Variants in RPL4 observed in about 807,000 individuals in gnomAD.
The protein encoded by RPL4 is large ribosomal subunit protein uL4.
Under a neutral mutation model 47.7 loss-of-function variants are expected in RPL4, and 3 were observed. The observed-to-expected ratio is 0.06, with a 90% CI of 0.03 to 0.16. The LOEUF is 0.16. Ranked by LOEUF, RPL4 falls within the 10% of genes least tolerant of loss-of-function variation. The pLI, the probability that RPL4 is intolerant of heterozygous loss-of-function variation, is 1.00. For missense variants in RPL4, 413 were observed against 551.3 expected (o/e 0.75, Z 2.51); for synonymous variants, 208 against 182.1 (o/e 1.14, Z -1.15).
Position 66,501,993 on chromosome 15 carries a change from A to G in RPL4, c.422-81T>C, listed in dbSNP as rs956884930. The G allele has an allele frequency of 3.9e-6, 6 of 1,553,890 alleles. No individual in the cohort carries two copies. The African/African-American group carries it at 8.2e-5, about 21-fold the overall frequency. ...AAAAATCAAACATTTTATACAACCA[A>G]TAAAAGCAAAATGGTATTCCGTTTG... On this transcript the variant is annotated intron_variant, in intron 4 of 9. Coordinates refer to ENST00000307961, the MANE Select transcript of RPL4 (RefSeq NM_000968.4).
In RPL4 at chr15:66,499,621, G is replaced by C. The variant is rs766275179; in HGVS notation, c.1070C>G (p.Ala357Gly). The C allele has an allele frequency of 1.7e-5, 27 of 1,613,848 alleles. No homozygotes were observed. In the East Asian group the frequency reaches 5.1e-4, roughly 31 times the overall value. ...HKLRVDKAAA[A>G]AAALQAKSDE... ...TGATTTGGCTTGTAGTGCCGCTGCTGCAGCAGCTGCCTTATCCACCCGGAG... is the reference window on the plus strand; with the variant it reads ...TGATTTGGCTTGTAGTGCCGCTGCTCCAGCAGCTGCCTTATCCACCCGGAG... The change falls in exon 10 of 10, where the codon GCA becomes GGA. Residue 357 changes from alanine (A) to glycine (G), a missense_variant. By Grantham distance (60) the Ala-to-Gly change is moderately conservative. Transcript: ENST00000307961.
chr15:66,501,337 G>A (rs371103900), intron 6 of RPL4, 38 bp downstream of exon 6: 95 of 1,613,232 alleles, frequency 5.9e-5, no homozygotes, highest in Non-Finnish European at 7.9e-5. Context: ...TAGACTTGCA[G>A]AGTATACCTA....
intron 4 of RPL4, 88 bp downstream of exon 4, chr15:66,502,524 G>C: frequency 1.4e-6 from 2 of 1,383,174 alleles, no homozygotes; most frequent in Non-Finnish European, 2.0e-6. Flanking sequence ...TCTTGAAATG[G>C]GTTACTGTGA....
Position 66,504,824 on chromosome 15 carries a change from C to A in RPL4, c.-34G>T, listed in dbSNP as rs1436889316. ...GAGGAGACAGCCACGCTCCTCTCAG[C>A]CCGGCTGCTGCCACAGGAAAAGGAA... On this transcript the variant is annotated 5_prime_UTR_variant, in exon 1 of 10. Transcript: ENST00000307961. 5 of 1,609,304 alleles carry A rather than the reference C, an allele frequency of 3.1e-6. No individual in the cohort carries two copies. Among genetic ancestry groups the A allele is most frequent in the African/African-American group, 1.3e-5 (1 of 74,974 alleles).
chr15:66,504,684 C>CTCTCCTCGCTCTATCTCCCCCT, intron 1 of RPL4, 104 bp downstream of exon 1: 1 of 1,519,458 alleles, frequency 6.6e-7, no homozygotes. Flanking sequence ...CCTCATCTCC[C>CTCTCCTCGCTCTATCTCCCCCT]TCTCCTCGCT....
At chr15:66,502,195 T>C in intron 4 of RPL4, 1 of 500,764 alleles carries the variant, frequency 2.0e-6, no homozygotes, top group Non-Finnish European at 3.7e-6. Context: ...GTTACGCTAG[T>C]ATTCCCTGAT....
At chr15:66,501,621 C>T in intron 5 of RPL4, 117 bp from the exon 6 acceptor site, 3 of 1,520,060 alleles carry the variant, frequency 2.0e-6, no homozygotes, top group Non-Finnish European at 2.7e-6. Context: ...GCCAAGGTTA[C>T]ACAGAGCCAT....
At chr15:66,503,897 C>A (rs542181469) in intron 1 of RPL4, among the ~76,000 whole-genome samples, 138 of 152,308 alleles carry the variant, frequency 9.1e-4, no homozygotes, top group South Asian at 6.6e-3. Context: ...CACCCTCACC[C>A]TCTACTAAAC....
chr15:66,502,109 G>C (rs1427379059), intron 4 of RPL4, 197 bp from the exon 5 acceptor site: 2 of 786,678 alleles, frequency 2.5e-6, no homozygotes, highest in African/African-American at 3.4e-5. Flanking sequence ...ATAAAAATGC[G>C]ATGGGTACGC....
Position 66,499,407 on chromosome 15 carries a change from T to A in RPL4, c.1284A>T (p.Ter428TyrextTer20), listed in dbSNP as rs781226691. ...PTTEEKKPAA[*>Y] is the part of the protein sequence containing the mutation. ...TTATGGAATAATCAAATTTAAGAGT[T>A]TATGCAGCAGGCTTCTTCTCCTCTG... is the stretch of plus-strand genomic sequence containing the variant. The change falls in exon 10 of 10, where the codon TAA (stop) becomes TAT (tyrosine). Residue 428 changes from the stop codon to tyrosine (Y), a stop_lost. Coordinates refer to ENST00000307961, the MANE Select transcript of RPL4 (RefSeq NM_000968.4). 16 of 1,601,056 alleles carry A rather than the reference T, an allele frequency of 1.0e-5. No homozygotes were observed. Among genetic ancestry groups the A allele is most frequent in the African/African-American group, 1.4e-5 (1 of 73,736 alleles).
chr15:66,501,946 C>G, intron 4 of RPL4, 34 bp from the exon 5 acceptor site: 1 of 1,588,740 alleles, frequency 6.3e-7, no homozygotes, highest in Non-Finnish European at 8.6e-7. Flanking sequence ...CTTGGTTATC[C>G]TGAAACTTTT....
intron 9 of RPL4, 52 bp from the exon 10 acceptor site, chr15:66,499,704 A>T (rs753488931): frequency 1.2e-6 from 2 of 1,606,664 alleles, no homozygotes; most frequent in Non-Finnish European, 1.7e-6. Flanking sequence ...GTAAGAACTT[A>T]ATGTATCAGG....
chr15:66,502,811 T>A (rs1282227332), intron 3 of RPL4, 61 bp from the exon 4 acceptor site: 1 of 1,612,406 alleles, frequency 6.2e-7, no homozygotes, highest in Non-Finnish European at 8.5e-7. Context: ...AGGTTATTTC[T>A]TGCTCAGTAA....
intron 4 of RPL4, 30 bp downstream of exon 4, chr15:66,502,582 T>G: frequency 6.2e-7 from 1 of 1,600,358 alleles, no homozygotes; most frequent in Non-Finnish European, 8.5e-7. Context: ...ATTTCTTCTA[T>G]CAAACTCTCT....
At chr15:66,500,228 C>A (rs375300756) in intron 8 of RPL4, 52 bp from the exon 9 acceptor site, 87 of 1,613,414 alleles carry the variant, frequency 5.4e-5, no homozygotes, top group Non-Finnish European at 6.9e-5. Flanking sequence ...TATACACATA[C>A]AAATTTTTGA....
Position 66,498,442 on chromosome 15 carries a change from CTT to C in RPL4, c.*963_*964del, listed in dbSNP as rs1893522715. 1.3e-5 allele frequency: 2 copies of C among 152,230 alleles called. No homozygotes were observed. The highest frequency in any genetic ancestry group is 4.8e-5 in the African/African-American group (2 of 41,530). The allele number at this position is 152,230 out of a possible 1,614,324, so 9.4% of individuals were successfully genotyped here. ...TTAACAATCCAGATGCAAAACAAGACTTTTGACACAGGACAAGAGGTTAATTC... is the reference window on the plus strand; with the variant it reads ...TTAACAATCCAGATGCAAAACAAGACTTGACACAGGACAAGAGGTTAATTC... On this transcript the variant is annotated 3_prime_UTR_variant, in exon 10 of 10. Coordinates refer to ENST00000307961, the MANE Select transcript of RPL4 (RefSeq NM_000968.4).
chr15:66,501,117 A>G lies in RPL4; in HGVS notation c.677-12T>C, dbSNP rs780730474. The G allele has an allele frequency of 1.2e-6, 2 of 1,608,050 alleles. No individual in the cohort carries two copies. The highest frequency in any genetic ancestry group is 2.2e-5 in the East Asian group (1 of 44,864). The stretch of plus-strand genomic sequence containing the variant: ...AAGCAGAGTAATTCCTTTTAAAGGG[A>G]AAGAAAAATTAGGGAGCCTGTATTC... On this transcript the variant is annotated splice_polypyrimidine_tract_variant and intron_variant, in intron 6 of 9. Transcript: ENST00000307961.
In RPL4 at chr15:66,501,948, G is replaced by C. The variant is rs769089643; in HGVS notation, c.422-36C>G. The C allele has an allele frequency of 4.4e-6, 7 of 1,579,274 alleles. No homozygotes were observed. The East Asian group carries it at 1.6e-4, about 36-fold the overall frequency. ...CCAATGACACTTACTTGGTTATCCT[G>C]AAACTTTTGGAGAAAAAAAAAAAAT... On this transcript the variant is annotated intron_variant, in intron 4 of 9. Transcript: ENST00000307961.
Position 66,499,404 on chromosome 15 carries a change from A to T in RPL4, c.*3T>A. The T allele has an allele frequency of 6.3e-7, 1 of 1,597,240 alleles. No individual in the cohort carries two copies. The highest frequency in any genetic ancestry group is 8.5e-7 in the Non-Finnish European group (1 of 1,176,198). The stretch of plus-strand genomic sequence containing the variant: ...CCTTTATGGAATAATCAAATTTAAG[A>T]GTTTATGCAGCAGGCTTCTTCTCCT... On this transcript the variant is annotated 3_prime_UTR_variant, in exon 10 of 10. Transcript: ENST00000307961.
Sources: allele counts gnomAD v4.1 joint callset (sites outside exome capture counted in the v4.1 genomes callset), GRCh38; gene constraint gnomAD v4.1.1; transcripts MANE v1.5; gene names NCBI Gene and HGNC (gene_info 2026-07-23, HGNC 2026-07-21).